The following P2RY11 variants were observed in gnomAD, a reference collection of about 807,000 sequenced individuals.
P2RY11 encodes the protein P2Y purinoceptor 11.
P2RY11 carries 3 observed loss-of-function variants against 2.4 expected under a neutral mutation model. The observed-to-expected ratio is 1.22, with a 90% CI of 0.56 to 3.17. The LOEUF (loss-of-function observed/expected upper bound fraction) is 3.17. Among genes scored for constraint, P2RY11 ranks in the 30% most tolerant of loss-of-function variants. The pLI, the probability that P2RY11 is intolerant of heterozygous loss-of-function variation, is 0.03. For synonymous variants in P2RY11, 307 were observed against 237.3 expected (o/e 1.29, Z -2.70); for missense variants, 670 against 528.2 (o/e 1.27, Z -2.63).
At position 10,115,015 on chromosome 19, in the gene P2RY11, A is replaced by G. The variant is rs1364704086; in HGVS notation, c.*277A>G. On this transcript the variant is annotated 3_prime_UTR_variant, in exon 2 of 2. Transcript: ENST00000321826. ...GACGCAAGAACAAAAAGAACCAAGT[A>G]GAGAGAGTGGAGCTGCTTTATTGCC... The G allele has an allele frequency of 1.8e-5, 28 of 1,556,744 alleles. No homozygotes were observed. Among genetic ancestry groups the G allele is most frequent in the Non-Finnish European group, 2.5e-5 (28 of 1,139,020 alleles).
Position 10,115,182 on chromosome 19 carries a change from C to A in P2RY11, c.*444C>A. ...AGACTTCTGGGGGCACCCCAAGACC[C>A]CAGACACCCAAGTGGCATCTTGGGG... On this transcript the variant is annotated 3_prime_UTR_variant, in exon 2 of 2. Transcript: ENST00000321826. The A allele has an allele frequency of 6.2e-7, 1 of 1,606,778 alleles. No individual in the cohort carries two copies. The highest frequency in any genetic ancestry group is 8.5e-7 in the Non-Finnish European group (1 of 1,176,660).
In P2RY11 at chr19:10,114,025, C is replaced by G; in HGVS notation, c.412C>G (p.Arg138Gly). The change falls in exon 2 of 2, where the codon CGA becomes GGA. Residue 138 changes from arginine (R) to glycine (G), a missense_variant. Coordinates refer to ENST00000321826, the MANE Select transcript of P2RY11 (RefSeq NM_002566.5). ...YLGIVHPFFARSHLRPKHAWA... is the reference protein window; with the variant it reads ...YLGIVHPFFAGSHLRPKHAWA... ...GGGCATCGTGCACCCCTTCTTCGCC[C>G]GAAGCCACCTGCGACCCAAGCACGC... The G allele has an allele frequency of 1.9e-6, 3 of 1,601,226 alleles. No individual in the cohort carries two copies. The highest frequency in any genetic ancestry group is 2.5e-6 in the Non-Finnish European group (3 of 1,179,606).
In P2RY11 at chr19:10,114,357, G is replaced by A. The variant is rs376693285; in HGVS notation, c.744G>A (p.Ala248=). 5.7e-5 allele frequency: 91 copies of A among 1,604,798 alleles called. No homozygotes were observed. Among genetic ancestry groups the A allele is most frequent in the Middle Eastern group, 3.3e-4 (2 of 6,062 alleles). The part of the protein sequence containing the change: ...MTVAEKLRVA[A]LVASGVALYA... ...TGGCCGAGAAGCTGCGTGTGGCAGC[G>A]TTGGTGGCCAGTGGTGTGGCCCTCT... The change falls in exon 2 of 2, where the codon GCG becomes GCA. Residue 248 remains alanine, a synonymous_variant. Coordinates refer to ENST00000321826, the MANE Select transcript of P2RY11 (RefSeq NM_002566.5).
chr19:10,114,598 G>A lies in P2RY11; in HGVS notation c.985G>A (p.Gly329Ser), dbSNP rs1255967553. 6 of 1,613,936 alleles carry A rather than the reference G, an allele frequency of 3.7e-6. No homozygotes were observed. The Admixed American group carries it at 1.0e-4, about 27-fold the overall frequency. Residue 329 changes from glycine (G) to serine (S), a missense_variant, in exon 2 of 2, where the codon GGC becomes AGC. Gly to Ser is a moderately conservative substitution (Grantham distance 56). Coordinates refer to ENST00000321826, the MANE Select transcript of P2RY11 (RefSeq NM_002566.5). ...LLYMAAVPSL[G>S]CCCRHCPGYR... The stretch of plus-strand genomic sequence containing the variant: ...CTACATGGCCGCAGTGCCCAGCCTG[G>A]GCTGCTGCTGCCGACACTGCCCCGG...
chr19:10,113,440 T>G (rs1176464774), intron 1 of P2RY11, among the ~76,000 whole-genome samples, 193 bp from the exon 2 acceptor site: 2 of 152,110 alleles, frequency 1.3e-5, no homozygotes, highest in African/African-American at 4.8e-5. Context: ...AGCTGGTCCA[T>G]TGGGGCCCAA....
chr19:10,113,517 G>C (rs1238758601), intron 1 of P2RY11, 116 bp from the exon 2 acceptor site: 1 of 1,457,718 alleles, frequency 6.9e-7, no homozygotes, highest in Admixed American at 2.4e-5. Flanking sequence ...CCCCCTCCAG[G>C]GAGGGGAAAG....
intron 1 of P2RY11, among the ~76,000 whole-genome samples, chr19:10,112,848 A>G (rs1439165406): frequency 6.6e-6 from 1 of 152,216 alleles, no homozygotes; most frequent in East Asian, 1.9e-4. Flanking sequence ...AAGCTGAGGC[A>G]GGAGAATCAC....
chr19:10,113,280 G>A (rs75025945), intron 1 of P2RY11, among the ~76,000 whole-genome samples: 1,613 of 152,292 alleles, frequency 0.011, 29 homozygotes, highest in African/African-American at 0.038. Flanking sequence ...GGCTTTGGAC[G>A]GCACAGATCT....
rs1020011384 is a variant in P2RY11 at position 10,115,364 on chromosome 19, T to G, written c.*626T>G. On this transcript the variant is annotated 3_prime_UTR_variant, in exon 2 of 2. Transcript: ENST00000321826. The stretch of plus-strand genomic sequence containing the variant: ...AAAAAAACAATAAAGGACTGTCCCC[T>G]CAAAACCAGCCGGGGGACTGTTAAA... 4 of 1,316,550 alleles carry G rather than the reference T, an allele frequency of 3.0e-6. No homozygotes were observed. The highest frequency in any genetic ancestry group is 2.4e-5 in the Admixed American group (1 of 41,252). The allele number at this position is 1,316,550 out of a possible 1,614,324, so 81.6% of individuals were successfully genotyped here. A position where few individuals can be genotyped will look rare whatever the true frequency, so the allele number is the denominator to read the frequency against.
At position 10,111,736 on chromosome 19, in the gene P2RY11, C is replaced by T. The variant is rs1458591838; in HGVS notation, c.15C>T (p.Val5=). MAAN[V]SGAKSCPANF... ...GGCACGGGAGCATGGCAGCCAACGT[C>T]TCGGGTAAGGAGAAGGCATGTTGGC... is the stretch of plus-strand genomic sequence containing the variant. The change falls in exon 1 of 2, where the codon GTC becomes GTT. Residue 5 remains valine (V), a synonymous_variant. Transcript: ENST00000321826. 1 of 1,613,498 alleles carries T rather than the reference C, an allele frequency of 6.2e-7. No homozygotes were observed. Among genetic ancestry groups the T allele is most frequent in the Non-Finnish European group, 8.5e-7 (1 of 1,179,762 alleles).
chr19:10,111,800 AG>A (rs754028462), intron 1 of P2RY11, 60 bp downstream of exon 1: 16 of 1,597,082 alleles, frequency 1.0e-5, no homozygotes, highest in Non-Finnish European at 1.3e-5. Context: ...AGGTGGGGGT[AG>A]TGGGTATTGG....
intron 1 of P2RY11, among the ~76,000 whole-genome samples, chr19:10,112,797 C>A (rs1052276932): frequency 6.6e-6 from 1 of 152,162 alleles, no homozygotes; most frequent in East Asian, 1.9e-4. Flanking sequence ...TAAAATTAAA[C>A]CAGGCGTGGT....
rs866376195 is a variant in P2RY11, at chr19:10,114,992, C to T, written c.*254C>T. On this transcript the variant is annotated 3_prime_UTR_variant, in exon 2 of 2. Coordinates refer to ENST00000321826, the MANE Select transcript of P2RY11 (RefSeq NM_002566.5). ...CTGGCCCCCGCCACAGGACTGGAGA[C>T]GCAAGAACAAAAAGAACCAAGTAGA... 132 of 1,506,538 alleles carry T rather than the reference C, an allele frequency of 8.8e-5. No individual in the cohort carries two copies. The Middle Eastern group carries it at 1.0e-3, about 12-fold the overall frequency. 93.3% of individuals were successfully genotyped at this position (1,506,538 alleles called of 1,614,324 possible).
rs1454228326 is a variant in P2RY11 at position 10,114,875 on chromosome 19, A to C, written c.*137A>C. ...GCCAGGTCAGGCCCAGCTGCAGCCC[A>C]GGCAGGAGCAGTCGCCTTTCCCACC... On this transcript the variant is annotated 3_prime_UTR_variant, in exon 2 of 2. Coordinates refer to ENST00000321826, the MANE Select transcript of P2RY11 (RefSeq NM_002566.5). The C allele has an allele frequency of 1.4e-6, 2 of 1,441,894 alleles. No individual in the cohort carries two copies. Among genetic ancestry groups the C allele is most frequent in the East Asian group, 2.4e-5 (1 of 41,034 alleles). The allele number at this position is 1,441,894 out of a possible 1,614,324, so 89.3% of individuals were successfully genotyped here.
intron 1 of P2RY11, 46 bp from the exon 2 acceptor site, chr19:10,113,587 C>T (rs371789296): frequency 1.8e-5 from 28 of 1,571,952 alleles, no homozygotes; most frequent in Non-Finnish European, 2.3e-5. Context: ...GCAGGAGCCG[C>T]CTTATGGGGG....
At chr19:10,113,201 C>G (rs62106214) in intron 1 of P2RY11, among the ~76,000 whole-genome samples, 1 of 152,098 alleles carries the variant, frequency 6.6e-6, no homozygotes, top group African/African-American at 2.4e-5. Context: ...CTGGTGGCCA[C>G]GGGGAGAAGA....
At position 10,113,835 on chromosome 19, in the gene P2RY11, C is replaced by T. The variant is rs199561037; in HGVS notation, c.222C>T (p.Ser74=). The change falls in exon 2 of 2, where the codon AGC becomes AGT. Residue 74 remains serine (S), a synonymous_variant. Transcript: ENST00000321826. ...TCTTCTCTGTCCAGCTGGCAGTCAG[C>T]GACCTGCTCTGCGCCCTGACGCTGC... ...AVVFSVQLAV[S]DLLCALTLPP... The T allele has an allele frequency of 9.9e-5, 159 of 1,613,482 alleles. 1 individual carries two copies. Among genetic ancestry groups the T allele is most frequent in the East Asian group, 2.2e-5 (1 of 44,894 alleles).
chr19:10,113,039 C>T (rs1209767366), intron 1 of P2RY11, among the ~76,000 whole-genome samples: 1 of 150,116 alleles, frequency 6.7e-6, no homozygotes, highest in Non-Finnish European at 1.5e-5. Context: ...AGTCGCGGAG[C>T]ACAGAGGGTG....
At position 10,115,269 on chromosome 19, in the gene P2RY11, C is replaced by T. The variant is rs1195515670; in HGVS notation, c.*531C>T. On this transcript the variant is annotated 3_prime_UTR_variant, in exon 2 of 2. Transcript: ENST00000321826. ...GCGGGCACGGAGCCAGATGGCCAGT[C>T]TCCAGGCCTGGTCCACGGACTGGCA... The T allele has an allele frequency of 3.3e-6, 4 of 1,223,802 alleles. No individual in the cohort carries two copies. Among genetic ancestry groups the T allele is most frequent in the Non-Finnish European group, 4.5e-6 (4 of 881,144 alleles). The allele number at this position is 1,223,802 out of a possible 1,614,324, so 75.8% of individuals were successfully genotyped here.
Sources: allele counts gnomAD v4.1 joint callset (sites outside exome capture counted in the v4.1 genomes callset), GRCh38; gene constraint gnomAD v4.1.1; transcripts MANE v1.5; gene names NCBI Gene and HGNC (gene_info 2026-07-23, HGNC 2026-07-21).